CAP2: variants seen among roughly 807,000 people sequenced by gnomAD.
The protein encoded by CAP2 is cyclase associated actin cytoskeleton regulatory protein 2, also known as adenylyl cyclase-associated protein 2.
Under a neutral mutation model 57.7 loss-of-function variants are expected in CAP2, and 24 were observed. The ratio of observed to expected loss-of-function variants is 0.42; its 90% CI spans 0.30 to 0.58. CAP2 has a LOEUF of 0.58. CAP2 is among the 20% of genes least tolerant of loss of function. The pLI is 0.22. For synonymous variants in CAP2, 194 were observed against 207.2 expected, an observed-to-expected ratio of 0.94 and a Z score of 0.55; for missense variants, 501 against 590.3, an observed-to-expected ratio of 0.85 and a Z score of 1.57.
chr6:17,411,845 T>C (rs1165058258), intron 1 of CAP2, among the ~76,000 whole-genome samples: 1 of 151,960 alleles, frequency 6.6e-6, no homozygotes, highest in Non-Finnish European at 1.5e-5. Context: ...GAACTCTACC[T>C]CCTCCATGGT....
intron 4 of CAP2, among the ~76,000 whole-genome samples, chr6:17,498,471 T>G (rs372942323): frequency 1.3e-5 from 2 of 152,194 alleles, no homozygotes; most frequent in South Asian, 4.1e-4. Flanking sequence ...ACTGCAAGTG[T>G]ATTGTTCTAC....
chr6:17,539,610 C>T lies in CAP2; in HGVS notation c.826+152C>T, dbSNP rs1029074197. ...GGAACTGGTGCTGGGAAGACAGGAG[C>T]CTGCCATGTTCCTTATGTCCATGCA... On this transcript the variant is annotated intron_variant, in intron 8 of 12. Coordinates refer to ENST00000229922, the MANE Select transcript of CAP2 (RefSeq NM_006366.3). 23 of 643,828 alleles carry T rather than the reference C, an allele frequency of 3.6e-5. No individual in the cohort carries two copies. The African/African-American group carries it at 3.7e-4, about 10-fold the overall frequency. The allele number at this position is 643,828 out of a possible 1,614,324, so 39.9% of individuals were successfully genotyped here.
At chr6:17,511,810 G>A (rs1762161356) in intron 6 of CAP2, among the ~76,000 whole-genome samples, 1 of 151,994 alleles carries the variant, frequency 6.6e-6, no homozygotes, top group South Asian at 2.1e-4. Context: ...ATAGAGGTGT[G>A]GTCTCTCTGA....
chr6:17,468,902 T>G (rs541530030), intron 4 of CAP2, among the ~76,000 whole-genome samples: 1 of 152,244 alleles, frequency 6.6e-6, no homozygotes, highest in South Asian at 2.1e-4. Flanking sequence ...CTTTATTCAC[T>G]GTCCAGAGTC....
intron 11 of CAP2, among the ~76,000 whole-genome samples, chr6:17,547,607 C>T (rs1264631666): frequency 2.0e-5 from 3 of 152,028 alleles, no homozygotes; most frequent in Admixed American, 6.5e-5. Context: ...TTTGGGAGGC[C>T]AAGGTGGGCA....
chr6:17,397,554 G>T (rs978709543), intron 1 of CAP2, among the ~76,000 whole-genome samples: 32 of 152,020 alleles, frequency 2.1e-4, no homozygotes, highest in African/African-American at 7.7e-4. Flanking sequence ...AATTAGCCGG[G>T]CGTGGTGGCG....
intron 1 of CAP2, among the ~76,000 whole-genome samples, chr6:17,418,745 G>A (rs1759353617): frequency 6.6e-6 from 1 of 152,140 alleles, no homozygotes; most frequent in Non-Finnish European, 1.5e-5. Flanking sequence ...ATAGATAACT[G>A]TGAACAGATG....
chr6:17,445,378 A>T (rs1445345034), intron 3 of CAP2, among the ~76,000 whole-genome samples: 1 of 152,226 alleles, frequency 6.6e-6, no homozygotes. Flanking sequence ...AAGTGCTTGG[A>T]TTGTAGGCGT....
intron 4 of CAP2, among the ~76,000 whole-genome samples, chr6:17,503,350 T>C: frequency 6.6e-6 from 1 of 152,090 alleles, no homozygotes; most frequent in East Asian, 1.9e-4. Context: ...AGCTCACACC[T>C]GTAATACCAA....
chr6:17,412,150 C>T (rs1040966543), intron 1 of CAP2, among the ~76,000 whole-genome samples: 6 of 152,096 alleles, frequency 3.9e-5, no homozygotes, highest in African/African-American at 1.4e-4. Context: ...TTAGCCTTCC[C>T]CATGGCCTCA....
At chr6:17,555,792 C>T (rs956586109) in intron 12 of CAP2, among the ~76,000 whole-genome samples, 2 of 152,030 alleles carry the variant, frequency 1.3e-5, no homozygotes, top group Non-Finnish European at 2.9e-5. Context: ...GTCTCGAACT[C>T]CTGACCTCAG....
At chr6:17,411,827 A>C (rs1322483959) in intron 1 of CAP2, among the ~76,000 whole-genome samples, 1 of 152,084 alleles carries the variant, frequency 6.6e-6, no homozygotes, top group Non-Finnish European at 1.5e-5. Context: ...TCCTAGAAGC[A>C]GTTCTTTGAA....
In CAP2 at chr6:17,486,978, T is replaced by C. The variant is rs1293723549; in HGVS notation, c.301-20191T>C. On this transcript the variant is annotated intron_variant, in intron 4 of 12. Coordinates refer to ENST00000229922, the MANE Select transcript of CAP2 (RefSeq NM_006366.3). ...AGCCCTGCAGTTCTCCTTGATTGCA[T>C]TGGCAGGAGGCAGTTGCAGTTTTAA... Among the ~76,000 whole-genome samples, 117 of 152,176 alleles carry C rather than the reference T, an allele frequency of 7.7e-4. 1 individual carries two copies. The highest frequency in any genetic ancestry group is 5.9e-5 in the Non-Finnish European group (4 of 68,024).
chr6:17,469,759 T>C (rs1760970909), intron 4 of CAP2, among the ~76,000 whole-genome samples: 1 of 152,186 alleles, frequency 6.6e-6, no homozygotes, highest in Non-Finnish European at 1.5e-5. Context: ...AAAAATTAGA[T>C]GGAGAAGGAA....
chr6:17,498,107 G>C (rs1451437686), intron 4 of CAP2, among the ~76,000 whole-genome samples: 2 of 152,216 alleles, frequency 1.3e-5, no homozygotes, highest in African/African-American at 4.8e-5. Context: ...CAACAGAACT[G>C]TGTTCTTGTT....
intron 3 of CAP2, among the ~76,000 whole-genome samples, chr6:17,428,440 C>G (rs1759644418): frequency 6.6e-6 from 1 of 152,072 alleles, no homozygotes; most frequent in African/African-American, 2.4e-5. Context: ...ATCTGTCTAC[C>G]TATAGATTTC....
chr6:17,542,850 A>G lies in CAP2; in HGVS notation c.1016A>G (p.Asp339Gly). The change falls in exon 10 of 13, where the codon GAC (aspartate) becomes GGC (glycine). Residue 339 changes from aspartate to glycine, a missense_variant. Transcript: ENST00000229922. ...TCTTAATTCTAGGAGTACCAAGAGGACAGGAATGACCTTGTGATTTCAGAG... is the reference window on the plus strand; with the variant it reads ...TCTTAATTCTAGGAGTACCAAGAGGGCAGGAATGACCTTGTGATTTCAGAG... ...GKKWRVEYQE[D>G]RNDLVISETE... 6.2e-7 allele frequency: 1 copy of G among 1,611,816 alleles called. No individual in the cohort carries two copies. Among genetic ancestry groups the G allele is most frequent in the Non-Finnish European group, 8.5e-7 (1 of 1,178,326 alleles).
chr6:17,531,699 G>T (rs1434428455), intron 7 of CAP2: 2 of 667,232 alleles, frequency 3.0e-6, no homozygotes, highest in Non-Finnish European at 5.1e-6. Flanking sequence ...CTAATAGGTT[G>T]TCTGACCTGT....
chr6:17,527,652 A>G (rs530368962), intron 7 of CAP2, among the ~76,000 whole-genome samples: 1 of 140,000 alleles, frequency 7.1e-6, no homozygotes, highest in East Asian at 2.1e-4. Context: ...GCTGGAGTGC[A>G]GTGGCACGAT....
Sources: gnomAD v4.1 joint callset for allele counts (sites outside exome capture counted in the v4.1 genomes callset) on GRCh38, gnomAD v4.1.1 for gene constraint, MANE v1.5 for transcripts, NCBI Gene and HGNC (gene_info 2026-07-23, HGNC 2026-07-21) for gene names.